Variants in TSC22D2 observed in about 807,000 individuals in gnomAD.
TSC22D2 encodes the protein TSC22 domain family protein 2.
Under a neutral mutation model 50.1 loss-of-function variants are expected in TSC22D2, and 5 were observed. That is an observed-to-expected ratio of 0.10 (90% CI 0.05 to 0.21). TSC22D2 has a LOEUF of 0.21. Among genes scored for constraint, TSC22D2 ranks in the 10% least tolerant of loss-of-function variants. The probability of loss-of-function intolerance (pLI) is 1.00; values close to 1 mark genes in which losing one functional copy is unlikely to be tolerated. For missense variants in TSC22D2, 1,003 were observed against 1,015.5 expected, an observed-to-expected ratio of 0.99 and a Z score of 0.17; for synonymous variants, 501 against 450.1, an observed-to-expected ratio of 1.11 and a Z score of -1.43.
chr3:150,413,993 CTCTTA>C (rs1192953654), intron 1 of TSC22D2, among the ~76,000 whole-genome samples: 6 of 152,050 alleles, frequency 3.9e-5, no homozygotes, highest in African/African-American at 7.2e-5. Flanking sequence ...ACATTGAAAA[CTCTTA>C]TCTTGAGATT....
chr3:150,446,553 T>TA (rs1720896615), intron 1 of TSC22D2, among the ~76,000 whole-genome samples: 2 of 152,160 alleles, frequency 1.3e-5, no homozygotes, highest in African/African-American at 4.8e-5. Flanking sequence ...ACTATAATTT[T>TA]AAAAAACATT....
rs1486061554 is a variant in TSC22D2 at position 150,461,192 on chromosome 3, T to C, written c.*2556T>C. The C allele has an allele frequency of 1.3e-5, 2 of 152,160 alleles. No individual in the cohort carries two copies. The highest frequency in any genetic ancestry group is 2.9e-5 in the Non-Finnish European group (2 of 68,022). The allele number at this position is 152,160 out of a possible 1,614,324, so 9.4% of individuals were successfully genotyped here. A position where few individuals can be genotyped will look rare whatever the true frequency, so the allele number is the denominator to read the frequency against. On this transcript the variant is annotated 3_prime_UTR_variant, in exon 3 of 3. Coordinates refer to ENST00000688009, the MANE Select transcript of TSC22D2 (RefSeq NM_001303264.2). ...ACAGGAGAAGATACTCAACTCATGG[T>C]CCATTGTTCAAAAATGCAGAATTAT...
At chr3:150,439,867 C>T (rs1720660756) in intron 1 of TSC22D2, among the ~76,000 whole-genome samples, 1 of 152,116 alleles carries the variant, frequency 6.6e-6, no homozygotes, top group African/African-American at 2.4e-5. Flanking sequence ...TATAAATGCC[C>T]ATTAGACTGA....
At chr3:150,418,860 A>G (rs963853681) in intron 1 of TSC22D2, among the ~76,000 whole-genome samples, 4 of 152,048 alleles carry the variant, frequency 2.6e-5, no homozygotes, top group African/African-American at 4.8e-5. Flanking sequence ...ATTTTAAATT[A>G]TAATCTTATG....
At chr3:150,415,574 A>G (rs1169351405) in intron 1 of TSC22D2, among the ~76,000 whole-genome samples, 1 of 152,232 alleles carries the variant, frequency 6.6e-6, no homozygotes, top group Non-Finnish European at 1.5e-5. Context: ...TGGCACTTTG[A>G]GAGACCAAGG....
chr3:150,421,464 C>T (rs2108069042), intron 1 of TSC22D2, among the ~76,000 whole-genome samples: 1 of 152,280 alleles, frequency 6.6e-6, no homozygotes, highest in South Asian at 2.1e-4. Flanking sequence ...AGGATGTAAG[C>T]CGTTAAATAA....
chr3:150,445,451 AAATC>A (rs139327984), intron 1 of TSC22D2, among the ~76,000 whole-genome samples: 2,249 of 152,054 alleles, frequency 0.015, 70 homozygotes, highest in African/African-American at 0.052. Context: ...TGAATACAAA[AAATC>A]AATTAAGGAA....
intron 1 of TSC22D2, among the ~76,000 whole-genome samples, chr3:150,415,717 G>A (rs1289307341): frequency 3.3e-5 from 5 of 152,124 alleles, no homozygotes; most frequent in African/African-American, 1.2e-4. Context: ...TGGGGAGGCT[G>A]TAGGAGGAGG....
intron 1 of TSC22D2, among the ~76,000 whole-genome samples, chr3:150,416,552 A>G (rs1046134528): frequency 3.3e-5 from 5 of 152,168 alleles, no homozygotes; most frequent in Admixed American, 2.0e-4. Context: ...CACAGAGAAT[A>G]TGTATACCTG....
At chr3:150,411,420 C>G (rs1719564772) in intron 1 of TSC22D2, 112 bp downstream of exon 1, 11 of 1,207,318 alleles carry the variant, frequency 9.1e-6, no homozygotes, top group Non-Finnish European at 1.2e-5. Context: ...TTTTTAAATA[C>G]AAAATTTAGT....
At chr3:150,436,135 T>G (rs761835555) in intron 1 of TSC22D2, among the ~76,000 whole-genome samples, 6 of 152,168 alleles carry the variant, frequency 3.9e-5, no homozygotes, top group Non-Finnish European at 7.4e-5. Flanking sequence ...AAATATATGC[T>G]TAGGAAAATT....
chr3:150,448,876 GTA>G (rs34210756), intron 1 of TSC22D2, among the ~76,000 whole-genome samples: 52,365 of 146,686 alleles, frequency 0.36, 9,516 homozygotes, highest in Middle Eastern at 0.45. Context: ...TTTTAATCTT[GTA>G]TATATATATA....
rs779991016 is a variant in TSC22D2, at chr3:150,409,591, C to T, written c.241C>T (p.Pro81Ser). 3.7e-6 allele frequency: 6 copies of T among 1,601,736 alleles called. No homozygotes were observed. The highest frequency in any genetic ancestry group is 5.1e-6 in the Non-Finnish European group (6 of 1,170,858). The change falls in exon 1 of 3, where the codon CCC becomes TCC. Residue 81 changes from proline (P) to serine (S), a missense_variant. This residue lies in a region of TSC22D2 where 200 missense variants were observed against 182.8 expected (regional missense o/e 1.09). Transcript: ENST00000688009. This position sits in a 1 kb window ranked among gnomAD's most constrained non-coding sequence, Gnocchi z 7.4. ...TLNNVGDAETPGTVSPNLLLD... is the reference protein window; with the variant it reads ...TLNNVGDAETSGTVSPNLLLD... Reference sequence around the variant, plus strand: ...TAACAATGTTGGGGATGCGGAGACTCCCGGGACCGTCTCCCCAAACCTCCT... The same window carrying T: ...TAACAATGTTGGGGATGCGGAGACTTCCGGGACCGTCTCCCCAAACCTCCT...
intron 1 of TSC22D2, among the ~76,000 whole-genome samples, chr3:150,436,841 A>G (rs951325240): frequency 6.6e-6 from 1 of 152,254 alleles, no homozygotes; most frequent in Non-Finnish European, 1.5e-5. Flanking sequence ...CATGTGTAAT[A>G]GAAAAGTTCC....
chr3:150,420,210 C>A (rs1238368629), intron 1 of TSC22D2, among the ~76,000 whole-genome samples: 1 of 152,166 alleles, frequency 6.6e-6, no homozygotes, highest in African/African-American at 2.4e-5. Flanking sequence ...CTTTTCCCTT[C>A]TACTTCCTTG....
At chr3:150,441,085 T>C (rs1348306073) in intron 1 of TSC22D2, among the ~76,000 whole-genome samples, 2 of 149,852 alleles carry the variant, frequency 1.3e-5, no homozygotes, top group South Asian at 4.2e-4. Context: ...ACATATAAAA[T>C]ACATTTGTAC....
intron 1 of TSC22D2, among the ~76,000 whole-genome samples, chr3:150,452,502 AC>A (rs1721075039): frequency 6.6e-6 from 1 of 152,260 alleles, no homozygotes; most frequent in East Asian, 1.9e-4. Context: ...AGTGATTTTA[AC>A]TTGTGACAGA....
chr3:150,438,372 A>C, intron 1 of TSC22D2: 1 of 248,658 alleles, frequency 4.0e-6, no homozygotes, highest in Non-Finnish European at 8.7e-6. Flanking sequence ...TTAATGGCTT[A>C]GATTTTATGT....
chr3:150,434,152 GTTTT>G (rs75231849), intron 1 of TSC22D2, among the ~76,000 whole-genome samples: 1 of 135,436 alleles, frequency 7.4e-6, no homozygotes, highest in South Asian at 2.3e-4. Flanking sequence ...AGGGTTTTTT[GTTTT>G]TTTTTTTTTT....
Sources: gnomAD v4.1 joint callset for allele counts (sites outside exome capture counted in the v4.1 genomes callset) on GRCh38, gnomAD v4.1.1 for gene constraint, gnomAD v4.1.1 regional missense constraint, Gnocchi (gnomAD v3.1) non-coding constraint, MANE v1.5 for transcripts, NCBI Gene and HGNC (gene_info 2026-07-23, HGNC 2026-07-21) for gene names.